TRIM11: variants seen among roughly 807,000 people sequenced by gnomAD.
TRIM11 encodes E3 ubiquitin-protein ligase TRIM11.
A neutral mutation model predicts 33.4 loss-of-function variants in TRIM11; 15 were observed. The observed-to-expected ratio is 0.45, with a 90% CI of 0.30 to 0.69. The LOEUF is 0.69. Among genes scored for constraint, TRIM11 ranks in the 30% least tolerant of loss-of-function variants. The pLI is 0.08. For missense variants in TRIM11, 499 were observed against 667.6 expected (o/e 0.75, Z 2.78); for synonymous variants, 281 against 302.6 (o/e 0.93, Z 0.74).
intron 3 of TRIM11, among the ~76,000 whole-genome samples, chr1:228,398,994 G>A (rs904716789): frequency 1.1e-4 from 16 of 152,102 alleles, no homozygotes; most frequent in African/African-American, 3.9e-4. Flanking sequence ...GCGGCTACAA[G>A]CAGGGCCTGC....
chr1:228,406,401 G>C lies in TRIM11; in HGVS notation c.161C>G (p.Pro54Arg). ...WGQPEGPYAC[P>R]ECRELSPQRN... ...CTGCGGGGACAGCTCGCGGCACTCG[G>C]GGCACGCGTACGGGCCCTCGGGCTG... is the stretch of plus-strand genomic sequence containing the variant. The change falls in exon 1 of 6, where the codon CCC (proline) becomes CGC (arginine). Residue 54 changes from proline (P) to arginine (R), a missense_variant. Coordinates refer to ENST00000284551, the MANE Select transcript of TRIM11 (RefSeq NM_145214.3). This position sits in a 1 kb window ranked among gnomAD's most constrained non-coding sequence, Gnocchi z 8.2. 1 of 1,563,484 alleles carries C rather than the reference G, an allele frequency of 6.4e-7. No individual in the cohort carries two copies. Among genetic ancestry groups the C allele is most frequent in the Non-Finnish European group, 8.6e-7 (1 of 1,160,464 alleles).
At chr1:228,396,397 G>A (rs901433857) in intron 5 of TRIM11, 23 of 494,860 alleles carry the variant, frequency 4.6e-5, no homozygotes, top group East Asian at 3.3e-4. Context: ...CTGGGAAGGT[G>A]CACCCAGGGA....
At position 228,406,778 on chromosome 1, in the gene TRIM11, C is replaced by CGCTCG. The variant is rs1307081934; in HGVS notation, c.-222_-218dup. On this transcript the variant is annotated 5_prime_UTR_variant, in exon 1 of 6. Coordinates refer to ENST00000284551, the MANE Select transcript of TRIM11 (RefSeq NM_145214.3). The surrounding 1 kb of genome is among the most constrained non-coding windows in gnomAD (Gnocchi z 8.2). Reference sequence around the variant, plus strand: ...TAGCGCTGGGCGCGTAGGCTCCGAGCGCTCGGGGGACGCGGGACGTAGGGA... The same window carrying CGCTCG: ...TAGCGCTGGGCGCGTAGGCTCCGAGCGCTCGGCTCGGGGGACGCGGGACGTAGGGA... 45 of 265,476 alleles carry CGCTCG rather than the reference C, an allele frequency of 1.7e-4. No homozygotes were observed. The highest frequency in any genetic ancestry group is 2.8e-4 in the Non-Finnish European group (43 of 151,820). 16.4% of individuals were successfully genotyped at this position (265,476 alleles called of 1,614,324 possible).
In TRIM11 at chr1:228,394,651, T is replaced by C; in HGVS notation, c.*54A>G. 1 of 1,518,286 alleles carries C rather than the reference T, an allele frequency of 6.6e-7. No homozygotes were observed. The highest frequency in any genetic ancestry group is 2.3e-5 in the East Asian group (1 of 43,690). 94.1% of individuals were successfully genotyped at this position (1,518,286 alleles called of 1,614,324 possible). Reference sequence around the variant, plus strand: ...CAGGTCCTCCAAGTGGCCAAAACACTCAGTGGCCTGGAGGGGCAGGAGAGG... The same window carrying C: ...CAGGTCCTCCAAGTGGCCAAAACACCCAGTGGCCTGGAGGGGCAGGAGAGG... On this transcript the variant is annotated 3_prime_UTR_variant, in exon 6 of 6. Transcript: ENST00000284551. The surrounding 1 kb of genome is among the most constrained non-coding windows in gnomAD (Gnocchi z 6.2).
At position 228,395,391 on chromosome 1, in the gene TRIM11, C is replaced by T; in HGVS notation, c.860-139G>A. 1.2e-6 allele frequency: 1 copy of T among 807,856 alleles called. No homozygotes were observed. The highest frequency in any genetic ancestry group is 1.7e-6 in the Non-Finnish European group (1 of 584,490). The allele number at this position is 807,856 out of a possible 1,614,324, so 50.0% of individuals were successfully genotyped here. On this transcript the variant is annotated intron_variant, in intron 5 of 5. Transcript: ENST00000284551. The surrounding 1 kb of genome is among the most constrained non-coding windows in gnomAD (Gnocchi z 4.8). ...CCCTGGGCCTGTAGCCTCACAACCT[C>T]CTGGAGTAACTAACTGTCTCCAAGT... is the stretch of plus-strand genomic sequence containing the variant.
Position 228,394,911 on chromosome 1 carries a change from G to A in TRIM11, c.1201C>T (p.Pro401Ser). The change falls in exon 6 of 6, where the codon CCC becomes TCC. Residue 401 changes from proline (P) to serine (S), a missense_variant. Coordinates refer to ENST00000284551, the MANE Select transcript of TRIM11 (RefSeq NM_145214.3). This position sits in a 1 kb window ranked among gnomAD's most constrained non-coding sequence, Gnocchi z 6.2. ...TCCAGAAAGATCCCCACGCGCCTGG[G>A]TGGGTCCCGGAGTGGAGCCAAGGCC... ...ERALAPLRDPPRRVGIFLDYE... is the reference protein window; with the variant it reads ...ERALAPLRDPSRRVGIFLDYE... 1 of 1,614,166 alleles carries A rather than the reference G, an allele frequency of 6.2e-7. No homozygotes were observed. Among genetic ancestry groups the A allele is most frequent in the African/African-American group, 1.3e-5 (1 of 75,042 alleles).
Position 228,395,100 on chromosome 1 carries a change from T to C in TRIM11, c.1012A>G (p.Thr338Ala). 6.3e-7 allele frequency: 1 copy of C among 1,599,844 alleles called. No homozygotes were observed. The highest frequency in any genetic ancestry group is 8.5e-7 in the Non-Finnish European group (1 of 1,173,666). ...GPCVLGQERFTSGRHYWEVEV... is the reference protein window; with the variant it reads ...GPCVLGQERFASGRHYWEVEV... ...ACCTCCCAGTAGTGGCGGCCTGAGG[T>C]GAAGCGCTCCTGGCCCAGCACGCAG... is the stretch of plus-strand genomic sequence containing the variant. Residue 338 changes from threonine (T) to alanine (A), a missense_variant, in exon 6 of 6, where the codon ACC becomes GCC. Coordinates refer to ENST00000284551, the MANE Select transcript of TRIM11 (RefSeq NM_145214.3). The surrounding 1 kb of genome is among the most constrained non-coding windows in gnomAD (Gnocchi z 4.8).
Position 228,406,426 on chromosome 1 carries a change from G to A in TRIM11, c.136C>T (p.Gln46Ter). The change falls in exon 1 of 6, where the codon CAG becomes TAG. Residue 46 changes from glutamine (Q) to a stop codon, truncating the protein, a stop_gained. Coordinates refer to ENST00000284551, the MANE Select transcript of TRIM11 (RefSeq NM_145214.3). LOFTEE classifies it high-confidence loss of function. The surrounding 1 kb of genome is among the most constrained non-coding windows in gnomAD (Gnocchi z 8.2). ...CRECIRRCWG[Q>*]PEGPYACPEC... The stretch of plus-strand genomic sequence containing the variant: ...GGGCACGCGTACGGGCCCTCGGGCT[G>A]GCCCCAGCAGCGCCGGATGCACTCG... The A allele has an allele frequency of 6.3e-7, 1 of 1,583,716 alleles. No homozygotes were observed. Among genetic ancestry groups the A allele is most frequent in the Non-Finnish European group, 8.5e-7 (1 of 1,170,418 alleles).
intron 1 of TRIM11, 107 bp from the exon 2 acceptor site, chr1:228,402,268 G>A: frequency 1.3e-6 from 1 of 761,094 alleles, no homozygotes; most frequent in Non-Finnish European, 2.1e-6. Flanking sequence ...GGGACAAACT[G>A]AAATCTGCCT....
At position 228,400,273 on chromosome 1, in the gene TRIM11, C is replaced by A. The variant is rs919450049; in HGVS notation, c.735+691G>T. Among the ~76,000 whole-genome samples, 2 of 152,242 alleles carry A rather than the reference C, an allele frequency of 1.3e-5. No homozygotes were observed. The highest frequency in any genetic ancestry group is 4.1e-4 in the South Asian group (2 of 4,838). On this transcript the variant is annotated intron_variant, in intron 3 of 5. Transcript: ENST00000284551. This position sits in a 1 kb window ranked among gnomAD's most constrained non-coding sequence, Gnocchi z 4.5. ...GGAAGATGATAGCAGACACTCCCAG[C>A]CCACACGGGGCCTCTCAGCATGGGA...
intron 1 of TRIM11, 82 bp from the exon 2 acceptor site, chr1:228,402,243 T>C: frequency 9.7e-7 from 1 of 1,031,844 alleles, no homozygotes; most frequent in Non-Finnish European, 1.4e-6. Flanking sequence ...CCCTGTCCCC[T>C]CCTCAAAGAC....
At chr1:228,398,610 G>A (rs1329709122) in intron 3 of TRIM11, among the ~76,000 whole-genome samples, 1 of 152,134 alleles carries the variant, frequency 6.6e-6, no homozygotes, top group Non-Finnish European at 1.5e-5. Flanking sequence ...GTGAGACCCT[G>A]TCTCAATAAA....
At position 228,406,291 on chromosome 1, in the gene TRIM11, C is replaced by T; in HGVS notation, c.271G>A (p.Val91Met). ...LHPPSPVPQGVCPAHREPLAA... is the reference protein window; with the variant it reads ...LHPPSPVPQGMCPAHREPLAA... ...AGTGGCTCGCGGTGCGCGGGGCACA[C>T]GCCCTGCGGGACCGGCGACGGCGGG... Residue 91 changes from valine to methionine, a missense_variant, in exon 1 of 6, where the codon GTG (valine) becomes ATG (methionine). Transcript: ENST00000284551. This position sits in a 1 kb window ranked among gnomAD's most constrained non-coding sequence, Gnocchi z 8.2. 1 of 1,487,188 alleles carries T rather than the reference C, an allele frequency of 6.7e-7. No homozygotes were observed. The highest frequency in any genetic ancestry group is 8.9e-7 in the Non-Finnish European group (1 of 1,124,966). 92.1% of individuals were successfully genotyped at this position (1,487,188 alleles called of 1,614,324 possible).
At chr1:228,398,762 A>G (rs1441269198) in intron 3 of TRIM11, among the ~76,000 whole-genome samples, 1 of 152,034 alleles carries the variant, frequency 6.6e-6, no homozygotes, top group East Asian at 1.9e-4. Context: ...TGGTGTGAGC[A>G]AGGCAGCTGG....
In TRIM11 at chr1:228,402,111, C is replaced by A. The variant is rs148386528; in HGVS notation, c.459G>T (p.Ala153=). The change falls in exon 2 of 6, where the codon GCG becomes GCT. Residue 153 remains alanine, a synonymous_variant. Transcript: ENST00000284551. Reference sequence around the variant, plus strand: ...CATCCGCCTGGGCTTGGAACAGCAACGCATCCTGCATCTGCTTCCGGAGAT... The same window carrying A: ...CATCCGCCTGGGCTTGGAACAGCAAAGCATCCTGCATCTGCTTCCGGAGAT... ...LEHLRKQMQD[A]LLFQAQADET... is the part of the protein sequence containing the mutation. The A allele has an allele frequency of 1.2e-5, 20 of 1,613,260 alleles. No individual in the cohort carries two copies. The highest frequency in any genetic ancestry group is 1.6e-5 in the Non-Finnish European group (19 of 1,179,638).
intron 3 of TRIM11, among the ~76,000 whole-genome samples, chr1:228,399,350 G>A (rs2075011959): frequency 6.6e-6 from 1 of 152,208 alleles, no homozygotes; most frequent in African/African-American, 2.4e-5. Context: ...CCTCCCTGAA[G>A]CCTTGTAGCC....
intron 1 of TRIM11, 35 bp from the exon 2 acceptor site, chr1:228,402,196 A>T (rs1656256021): frequency 1.3e-6 from 2 of 1,552,648 alleles, no homozygotes; most frequent in Middle Eastern, 1.7e-4. Context: ...ATGAGACATG[A>T]GTCCTGTCAC....
chr1:228,402,077 C>A lies in TRIM11; in HGVS notation c.493G>T (p.Val165Phe). Residue 165 changes from valine (V) to phenylalanine (F), a missense_variant, in exon 2 of 6, where the codon GTC (valine) becomes TTC (phenylalanine). Coordinates refer to ENST00000284551, the MANE Select transcript of TRIM11 (RefSeq NM_145214.3). ...LFQAQADETC[V>F]LWQKMVESQR... is the part of the protein sequence containing the mutation. ...GCCCCAGCACCTGCCTGCCACAAGA[C>A]GCAGGTCTCATCCGCCTGGGCTTGG... is the stretch of plus-strand genomic sequence containing the variant. 6.2e-7 allele frequency: 1 copy of A among 1,612,468 alleles called. No individual in the cohort carries two copies. The highest frequency in any genetic ancestry group is 8.5e-7 in the Non-Finnish European group (1 of 1,179,122).
chr1:228,406,412 C>A lies in TRIM11; in HGVS notation c.150G>T (p.Pro50=), dbSNP rs753220432. 2.5e-6 allele frequency: 4 copies of A among 1,573,944 alleles called. No homozygotes were observed. In the Admixed American group the frequency reaches 5.3e-5, roughly 21 times the overall value. ...GCTCGCGGCACTCGGGGCACGCGTA[C>A]GGGCCCTCGGGCTGGCCCCAGCAGC... is the stretch of plus-strand genomic sequence containing the variant. The part of the protein sequence containing the change: ...IRRCWGQPEG[P]YACPECRELS... Residue 50 remains proline (P), a synonymous_variant, in exon 1 of 6, where the codon CCG becomes CCT. Coordinates refer to ENST00000284551, the MANE Select transcript of TRIM11 (RefSeq NM_145214.3). This position sits in a 1 kb window ranked among gnomAD's most constrained non-coding sequence, Gnocchi z 8.2.
Sources: gnomAD v4.1 joint callset for allele counts (sites outside exome capture counted in the v4.1 genomes callset) on GRCh38, gnomAD v4.1.1 for gene constraint, Gnocchi (gnomAD v3.1) non-coding constraint, MANE v1.5 for transcripts, NCBI Gene and HGNC (gene_info 2026-07-23, HGNC 2026-07-21) for gene names.